The following ADAMTSL1 variants were observed in gnomAD, a reference collection of about 807,000 sequenced individuals.
ADAMTSL1 encodes the protein ADAMTS-like protein 1.
In ADAMTSL1, 126 loss-of-function variants were observed where a neutral mutation model predicts 201.8. The ratio of observed to expected loss-of-function variants is 0.62; its 90% confidence interval spans 0.54 to 0.72. ADAMTSL1 has a LOEUF of 0.72. Among genes scored for constraint, ADAMTSL1 ranks in the 30% least tolerant of loss-of-function variants. The probability of loss-of-function intolerance (pLI) is 0.00; values close to 1 mark genes in which losing one functional copy is unlikely to be tolerated. For missense variants in ADAMTSL1, 2,679 were observed against 2,277.8 expected, an observed-to-expected ratio of 1.18 and a Z score of -3.59; for synonymous variants, 1,121 against 903.4, an observed-to-expected ratio of 1.24 and a Z score of -4.32.
chr9:18,849,427 C>G (rs996043618), intron 23 of ADAMTSL1, among the ~76,000 whole-genome samples: 2 of 152,198 alleles, frequency 1.3e-5, no homozygotes, highest in Non-Finnish European at 2.9e-5. Context: ...TGGGCCACAG[C>G]TGTTGGGAAG....
intron 3 of ADAMTSL1, among the ~76,000 whole-genome samples, chr9:18,561,563 G>C (rs1821498245): frequency 6.6e-6 from 1 of 152,182 alleles, no homozygotes. Flanking sequence ...CCAGAGCTGA[G>C]TTCAAGTCCT....
At chr9:18,155,256 C>T (rs754679188) in intron 1 of ADAMTSL1, among the ~76,000 whole-genome samples, 35 of 151,952 alleles carry the variant, frequency 2.3e-4, no homozygotes, top group African/African-American at 5.8e-4. Flanking sequence ...TTTACTACTC[C>T]GACTTTGTAT....
chr9:18,854,036 G>T (rs1826690029), intron 23 of ADAMTSL1, among the ~76,000 whole-genome samples: 1 of 152,036 alleles, frequency 6.6e-6, no homozygotes, highest in Admixed American at 6.6e-5. Context: ...CTTTTCATGT[G>T]CCACATCCTG....
At chr9:18,383,558 G>T (rs1837652289) in intron 2 of ADAMTSL1, among the ~76,000 whole-genome samples, 2 of 152,206 alleles carry the variant, frequency 1.3e-5, no homozygotes, top group South Asian at 4.2e-4. Flanking sequence ...AAGCCACTGT[G>T]TTTCAGGGTT....
intron 2 of ADAMTSL1, among the ~76,000 whole-genome samples, chr9:18,514,412 C>T (rs906328149): frequency 2.0e-5 from 3 of 148,742 alleles, no homozygotes; most frequent in South Asian, 2.1e-4. Flanking sequence ...TCACTGCAAG[C>T]TCCGCCTCCG....
intron 1 of ADAMTSL1, among the ~76,000 whole-genome samples, chr9:17,945,385 A>C (rs1367758505): frequency 8.6e-6 from 1 of 115,696 alleles, no homozygotes; most frequent in Non-Finnish European, 1.8e-5. Flanking sequence ...AAACTAGTTC[A>C]ACCATTGTGG....
intron 1 of ADAMTSL1, among the ~76,000 whole-genome samples, chr9:17,966,468 T>C (rs965110081): frequency 3.3e-5 from 5 of 152,170 alleles, no homozygotes; most frequent in African/African-American, 1.2e-4. Flanking sequence ...GACCCTCCCT[T>C]CTGCAATAAG....
intron 1 of ADAMTSL1, among the ~76,000 whole-genome samples, chr9:17,943,842 C>T (rs1024564861): frequency 2.6e-5 from 4 of 151,904 alleles, no homozygotes; most frequent in African/African-American, 9.7e-5. Flanking sequence ...CATGGTGCAG[C>T]CATCTGGTTG....
chr9:18,134,660 G>C (rs751931980), intron 1 of ADAMTSL1, among the ~76,000 whole-genome samples: 1 of 152,196 alleles, frequency 6.6e-6, no homozygotes, highest in African/African-American at 2.4e-5. Flanking sequence ...TTGCCAGTGG[G>C]TGTGGTGGTT....
At chr9:18,429,321 G>A (rs1185018959) in intron 2 of ADAMTSL1, among the ~76,000 whole-genome samples, 1 of 152,066 alleles carries the variant, frequency 6.6e-6, no homozygotes, top group Non-Finnish European at 1.5e-5. Flanking sequence ...ACCTTACTGT[G>A]ATTGCAAAAT....
At chr9:18,245,638 GC>G (rs1444097841) in intron 2 of ADAMTSL1, among the ~76,000 whole-genome samples, 2 of 152,022 alleles carry the variant, frequency 1.3e-5, no homozygotes, top group Admixed American at 6.6e-5. Flanking sequence ...GCATCCACCA[GC>G]CCTCCATTGA....
intron 3 of ADAMTSL1, among the ~76,000 whole-genome samples, chr9:18,549,985 A>G (rs976384889): frequency 6.6e-5 from 10 of 151,984 alleles, no homozygotes; most frequent in Non-Finnish European, 1.5e-4. Context: ...GCTCTGTTCT[A>G]TCAGATGGTC....
At chr9:18,230,250 T>C (rs939486717) in intron 2 of ADAMTSL1, among the ~76,000 whole-genome samples, 2 of 152,158 alleles carry the variant, frequency 1.3e-5, no homozygotes, top group Admixed American at 1.3e-4. Flanking sequence ...TGCTATTTGC[T>C]TTCTATTCTG....
At chr9:18,640,408 G>A (rs1416653884) in intron 7 of ADAMTSL1, among the ~76,000 whole-genome samples, 5 of 152,112 alleles carry the variant, frequency 3.3e-5, no homozygotes, top group Non-Finnish European at 7.4e-5. Flanking sequence ...AGCCCTTGGA[G>A]TACCATTAAA....
At chr9:18,022,939 TCTC>T (rs1440105926) in intron 1 of ADAMTSL1, among the ~76,000 whole-genome samples, 3 of 152,082 alleles carry the variant, frequency 2.0e-5, no homozygotes, top group Admixed American at 1.3e-4. Context: ...CTCCCATCCT[TCTC>T]CACCTTGCTG....
At chr9:18,370,125 C>G (rs1188543505) in intron 2 of ADAMTSL1, among the ~76,000 whole-genome samples, 1 of 151,898 alleles carries the variant, frequency 6.6e-6, no homozygotes, top group Non-Finnish European at 1.5e-5. Flanking sequence ...ACTAAAAATA[C>G]AAAAATTAGC....
intron 1 of ADAMTSL1, among the ~76,000 whole-genome samples, chr9:18,121,232 G>C (rs544630): frequency 0.63 from 96,045 of 152,038 alleles, 30,831 homozygotes; most frequent in East Asian, 0.79. Context: ...ACAGACAGTT[G>C]TACATAAAGA....
chr9:18,040,530 A>G (rs1243845694), intron 1 of ADAMTSL1, among the ~76,000 whole-genome samples: 1 of 152,136 alleles, frequency 6.6e-6, no homozygotes, highest in Non-Finnish European at 1.5e-5. Context: ...TGTAGACGAA[A>G]TGTCTGTGCA....
intron 3 of ADAMTSL1, among the ~76,000 whole-genome samples, chr9:18,566,054 G>C (rs1821871702): frequency 6.6e-6 from 1 of 152,156 alleles, no homozygotes; most frequent in Non-Finnish European, 1.5e-5. Flanking sequence ...GGAAATATCA[G>C]TCTGCCTATT....
Sources: gnomAD v4.1 joint callset for allele counts (sites outside exome capture counted in the v4.1 genomes callset) on GRCh38, gnomAD v4.1.1 for gene constraint, MANE v1.5 for transcripts, NCBI Gene and HGNC (gene_info 2026-07-23, HGNC 2026-07-21) for gene names.